The following STAU2 variants were observed in gnomAD, a reference collection of about 807,000 sequenced individuals.
STAU2 encodes the protein double-stranded RNA-binding protein Staufen homolog 2.
A neutral mutation model predicts 65.9 loss-of-function variants in STAU2; 20 were observed. The observed-to-expected ratio is 0.30, with a 90% CI of 0.21 to 0.44. The LOEUF (loss-of-function observed/expected upper bound fraction) is 0.44, where lower values mean the gene tolerates loss of function less well. STAU2 is among the 20% of genes least tolerant of loss of function. The pLI is 1.00. For missense variants in STAU2, 558 were observed against 683.9 expected, an observed-to-expected ratio of 0.82 and a Z score of 2.05; for synonymous variants, 232 against 233.9, an observed-to-expected ratio of 0.99 and a Z score of 0.07.
intron 12 of STAU2, among the ~76,000 whole-genome samples, chr8:73,579,257 G>C (rs190208275): frequency 6.6e-6 from 1 of 152,296 alleles, no homozygotes; most frequent in East Asian, 1.9e-4. Context: ...ACAAGTGCCA[G>C]CATATTTCAC....
chr8:73,466,822 G>A (rs1286659438), intron 13 of STAU2, among the ~76,000 whole-genome samples: 1 of 152,196 alleles, frequency 6.6e-6, no homozygotes, highest in Non-Finnish European at 1.5e-5. Flanking sequence ...CTGGGTGCCG[G>A]GCGCTTTGCT....
chr8:73,538,817 A>T (rs957361629), intron 13 of STAU2, among the ~76,000 whole-genome samples: 1 of 152,158 alleles, frequency 6.6e-6, no homozygotes, highest in African/African-American at 2.4e-5. Context: ...TAAACTACAA[A>T]TCCAAATTGG....
intron 12 of STAU2, among the ~76,000 whole-genome samples, chr8:73,561,186 T>C (rs1408038109): frequency 1.3e-5 from 2 of 152,148 alleles, no homozygotes; most frequent in Non-Finnish European, 2.9e-5. Context: ...GCAGTGCACA[T>C]TGTATATGAC....
chr8:73,689,538 C>A (rs894139386), intron 4 of STAU2, among the ~76,000 whole-genome samples: 1 of 152,152 alleles, frequency 6.6e-6, no homozygotes, highest in African/African-American at 2.4e-5. Context: ...AAGGCTCTAC[C>A]TGTGCATCCT....
intron 13 of STAU2, among the ~76,000 whole-genome samples, chr8:73,542,106 G>A (rs569097449): frequency 6.6e-6 from 1 of 152,130 alleles, no homozygotes; most frequent in South Asian, 2.1e-4. Context: ...GAAGCTAAAT[G>A]TATCCCAAAC....
intron 5 of STAU2, among the ~76,000 whole-genome samples, chr8:73,674,434 T>C (rs1209145999): frequency 6.6e-6 from 1 of 152,000 alleles, no homozygotes; most frequent in East Asian, 1.9e-4. Context: ...TAACAAGTAA[T>C]ATGCTTTTAC....
chr8:73,747,284 G>A (rs1004398210), upstream of STAU2: 35 of 1,380,414 alleles, frequency 2.5e-5, no homozygotes, highest in Non-Finnish European at 3.3e-5. Context: ...GGTGGGCCTG[G>A]GGCAGCCCCT....
intron 12 of STAU2, among the ~76,000 whole-genome samples, chr8:73,570,302 T>C (rs556825107): frequency 3.9e-5 from 6 of 152,232 alleles, no homozygotes; most frequent in African/African-American, 1.4e-4. Flanking sequence ...CCAAGAAATA[T>C]GGGACTATGT....
chr8:73,579,990 T>C (rs1323068834), intron 12 of STAU2, among the ~76,000 whole-genome samples: 1 of 152,226 alleles, frequency 6.6e-6, no homozygotes, highest in Non-Finnish European at 1.5e-5. Context: ...ACATGTACAT[T>C]AATGTTTTTT....
At chr8:73,675,461 C>A (rs998939978) in intron 5 of STAU2, 2 of 151,840 alleles carry the variant, frequency 1.3e-5, no homozygotes, top group African/African-American at 4.8e-5. Flanking sequence ...ACAAAACATA[C>A]GGATTAATTA....
At chr8:73,493,967 A>T (rs1347869296) in intron 13 of STAU2, among the ~76,000 whole-genome samples, 10 of 151,822 alleles carry the variant, frequency 6.6e-5, no homozygotes, top group Non-Finnish European at 1.5e-5. Context: ...ACTGAGTAAA[A>T]GGAACATTAC....
chr8:73,497,607 A>G (rs186178244), intron 13 of STAU2, among the ~76,000 whole-genome samples: 2 of 151,892 alleles, frequency 1.3e-5, no homozygotes, highest in Non-Finnish European at 2.9e-5. Context: ...ACCTACTTGC[A>G]TCACAGGACA....
At chr8:73,496,019 A>G (rs879557473) in intron 13 of STAU2, among the ~76,000 whole-genome samples, 60 of 151,714 alleles carry the variant, frequency 4.0e-4, no homozygotes, top group African/African-American at 1.4e-3. Flanking sequence ...AATCAAAATC[A>G]GATTATACAG....
chr8:73,518,224 CAA>C (rs1822847041), intron 13 of STAU2, among the ~76,000 whole-genome samples: 1 of 152,140 alleles, frequency 6.6e-6, no homozygotes, highest in Admixed American at 6.5e-5. Context: ...AAAATTCAGT[CAA>C]GTCTAATTGT....
At chr8:73,511,819 G>T (rs919509520) in intron 13 of STAU2, among the ~76,000 whole-genome samples, 35 of 152,170 alleles carry the variant, frequency 2.3e-4, no homozygotes, top group Non-Finnish European at 5.0e-4. Flanking sequence ...TCATATCTAA[G>T]AACTCTTTGC....
At chr8:73,459,083 A>AT (rs991362238) in intron 13 of STAU2, among the ~76,000 whole-genome samples, 2 of 152,140 alleles carry the variant, frequency 1.3e-5, no homozygotes, top group Non-Finnish European at 2.9e-5. Context: ...CATCTTAAGG[A>AT]TTTTTTTCAA....
intron 6 of STAU2, among the ~76,000 whole-genome samples, chr8:73,618,886 G>A (rs767797677): frequency 1.3e-5 from 2 of 152,150 alleles, no homozygotes; most frequent in Non-Finnish European, 2.9e-5. Context: ...ATGACATCAC[G>A]GTTTCGGAAC....
intron 12 of STAU2, among the ~76,000 whole-genome samples, chr8:73,570,032 A>G (rs1175468541): frequency 1.3e-5 from 2 of 152,234 alleles, no homozygotes; most frequent in African/African-American, 4.8e-5. Context: ...CTAAAGGAGG[A>G]TGTTCAAACC....
chr8:73,651,349 C>A, intron 6 of STAU2: 1 of 683,656 alleles, frequency 1.5e-6, no homozygotes, highest in South Asian at 1.5e-5. Context: ...TCCAGCACCA[C>A]CAGTACCTGG....
Sources: gnomAD v4.1 joint callset for allele counts (sites outside exome capture counted in the v4.1 genomes callset) on GRCh38, gnomAD v4.1.1 for gene constraint, MANE v1.5 for transcripts, NCBI Gene and HGNC (gene_info 2026-07-23, HGNC 2026-07-21) for gene names.